Variants in WWP2 observed in about 807,000 individuals in gnomAD.
WWP2 encodes the protein WW domain containing E3 ubiquitin protein ligase 2.
A neutral mutation model predicts 121.0 loss-of-function variants in WWP2; 57 were observed. The observed-to-expected ratio is 0.47, with a 90% CI of 0.38 to 0.59. WWP2 has a LOEUF of 0.59. Ranked by LOEUF, WWP2 falls within the 20% of genes least tolerant of loss-of-function variation. The pLI is 0.00. For missense variants in WWP2, 962 were observed against 1,158.9 expected (o/e 0.83, Z 2.47); for synonymous variants, 449 against 441.3 (o/e 1.02, Z -0.22).
intron 1 of WWP2, among the ~76,000 whole-genome samples, 166 bp downstream of exon 1, chr16:69,762,557 G>T (rs1176584437): frequency 3.5e-4 from 53 of 150,918 alleles, no homozygotes; most frequent in African/African-American, 1.2e-3. Flanking sequence ...CTCCGAGGAG[G>T]GGTGTCCCGG....
rs144814265 is a variant in WWP2, at chr16:69,940,131, G to A, written c.*191G>A. 3.9e-4 allele frequency: 230 copies of A among 592,920 alleles called. No individual in the cohort carries two copies. In the African/African-American group the frequency reaches 4.0e-3, roughly 10 times the overall value. 36.7% of individuals were successfully genotyped at this position (592,920 alleles called of 1,614,324 possible). A position where few individuals can be genotyped will look rare whatever the true frequency, so the allele number is the denominator to read the frequency against. On this transcript the variant is annotated 3_prime_UTR_variant, in exon 24 of 24. Transcript: ENST00000359154. ...CTGCAGTTCCCCCGACCCGCGGATG[G>A]CAGTCTGGAATAAAGCCCCCTAGTT... is the stretch of plus-strand genomic sequence containing the variant.
At chr16:69,820,989 C>T (rs2056583353) in intron 4 of WWP2, among the ~76,000 whole-genome samples, 1 of 152,252 alleles carries the variant, frequency 6.6e-6, no homozygotes, top group Non-Finnish European at 1.5e-5. Context: ...GTGCTGCCCA[C>T]TCCGGCGAGG....
intron 4 of WWP2, among the ~76,000 whole-genome samples, chr16:69,814,817 C>T (rs1376775106): frequency 6.6e-6 from 1 of 151,886 alleles, no homozygotes; most frequent in Non-Finnish European, 1.5e-5. Context: ...AGACAGTGTA[C>T]CCATTTATTT....
intron 6 of WWP2, among the ~76,000 whole-genome samples, chr16:69,867,019 A>G (rs2057538072): frequency 6.6e-6 from 1 of 151,494 alleles, no homozygotes; most frequent in East Asian, 1.9e-4. Flanking sequence ...TGTTTTTAGT[A>G]GAGTTGGGGT....
At chr16:69,812,475 CCCTTT>C (rs2056412804) in intron 4 of WWP2, among the ~76,000 whole-genome samples, 1 of 133,626 alleles carries the variant, frequency 7.5e-6, no homozygotes, top group African/African-American at 3.7e-5. Flanking sequence ...CCAACCCCCC[CCCTTT>C]TTTTTTTTTT....
chr16:69,793,226 G>A (rs1052106815), intron 2 of WWP2, among the ~76,000 whole-genome samples: 20 of 152,128 alleles, frequency 1.3e-4, no homozygotes, highest in Middle Eastern at 3.4e-3. Context: ...GATGGCAGGC[G>A]CCTGTAATCC....
At chr16:69,780,707 A>G (rs1205864259) in intron 1 of WWP2, among the ~76,000 whole-genome samples, 6 of 152,216 alleles carry the variant, frequency 3.9e-5, no homozygotes, top group Admixed American at 3.9e-4. Flanking sequence ...AAGTGAGTCA[A>G]AACATCATCT....
In WWP2 at chr16:69,799,388, AG is replaced by A; in HGVS notation, c.340+97del. On this transcript the variant is annotated intron_variant, in intron 4 of 23. Transcript: ENST00000359154. This position sits in a 1 kb window ranked among gnomAD's most constrained non-coding sequence, Gnocchi z 4.5. Reference sequence around the variant, plus strand: ...TGGTATTGCAATTTCCCCCAGGACTAGGGGCTGCAGTACCTCTGTTCTCCTT... The same window carrying A: ...TGGTATTGCAATTTCCCCCAGGACTAGGGCTGCAGTACCTCTGTTCTCCTT... The A allele has an allele frequency of 6.7e-7, 1 of 1,499,156 alleles. No individual in the cohort carries two copies. Among genetic ancestry groups the A allele is most frequent in the Non-Finnish European group, 9.0e-7 (1 of 1,116,788 alleles). The allele number at this position is 1,499,156 out of a possible 1,614,324, so 92.9% of individuals were successfully genotyped here. A position where few individuals can be genotyped will look rare whatever the true frequency, so the allele number is the denominator to read the frequency against.
chr16:69,872,119 T>A (rs2057651428), intron 7 of WWP2, among the ~76,000 whole-genome samples, 188 bp downstream of exon 7: 1 of 152,228 alleles, frequency 6.6e-6, no homozygotes, highest in Admixed American at 6.5e-5. Context: ...GCATATTCTG[T>A]ACAGCCAAGG....
intron 4 of WWP2, among the ~76,000 whole-genome samples, chr16:69,812,864 C>T (rs2056420834): frequency 6.6e-6 from 1 of 152,154 alleles, no homozygotes; most frequent in South Asian, 2.1e-4. Flanking sequence ...TGCAAAATTA[C>T]TGTTTCCCCT....
At chr16:69,878,168 A>C (rs2057767747) in intron 7 of WWP2, among the ~76,000 whole-genome samples, 1 of 152,230 alleles carries the variant, frequency 6.6e-6, no homozygotes, top group African/African-American at 2.4e-5. Flanking sequence ...CAATATTAAT[A>C]TATCAAAGAT....
chr16:69,894,863 C>T (rs112156565), intron 8 of WWP2: 2 of 152,260 alleles, frequency 1.3e-5, no homozygotes, highest in Non-Finnish European at 2.9e-5. Context: ...CACAGAGGCA[C>T]ATTATTTTGC....
At chr16:69,798,601 A>G in intron 2 of WWP2, 81 bp from the exon 3 acceptor site, 1 of 1,467,890 alleles carries the variant, frequency 6.8e-7, no homozygotes, top group Non-Finnish European at 9.1e-7. Context: ...CAATAACTAA[A>G]AAGAGCCGGA....
At chr16:69,793,613 A>G (rs2055960051) in intron 2 of WWP2, among the ~76,000 whole-genome samples, 1 of 152,116 alleles carries the variant, frequency 6.6e-6, no homozygotes, top group Admixed American at 6.6e-5. Context: ...GTGGGGCCAC[A>G]GGATAATTTG....
chr16:69,798,628 GGCATCTGGGA>G, intron 2 of WWP2, 44 bp from the exon 3 acceptor site: 3 of 1,556,302 alleles, frequency 1.9e-6, no homozygotes, highest in Non-Finnish European at 2.6e-6. Flanking sequence ...GCCACAGGGG[GGCATCTGGGA>G]GCCCTGGGAC....
intron 17 of WWP2, among the ~76,000 whole-genome samples, chr16:69,934,625 A>G (rs185116995): frequency 2.4e-4 from 37 of 152,104 alleles, no homozygotes; most frequent in Middle Eastern, 6.8e-3. Flanking sequence ...GCATTTGGGA[A>G]TGTCCCACTG....
At chr16:69,796,395 T>C (rs1372397129) in intron 2 of WWP2, among the ~76,000 whole-genome samples, 1 of 152,180 alleles carries the variant, frequency 6.6e-6, no homozygotes, top group African/African-American at 2.4e-5. Context: ...TTAAATGTGC[T>C]CAGGACACTT....
chr16:69,844,238 A>G (rs560221623), intron 6 of WWP2, among the ~76,000 whole-genome samples: 1 of 152,308 alleles, frequency 6.6e-6, no homozygotes, highest in Admixed American at 6.5e-5. Flanking sequence ...ATGACAGTGT[A>G]ACTGGCAAAT....
At chr16:69,788,759 C>T (rs1337785028) in intron 2 of WWP2, among the ~76,000 whole-genome samples, 2 of 152,122 alleles carry the variant, frequency 1.3e-5, no homozygotes, top group African/African-American at 2.4e-5. Context: ...GTAAGATCCA[C>T]AGTAAGAGAT....
Sources: allele counts gnomAD v4.1 joint callset (sites outside exome capture counted in the v4.1 genomes callset), GRCh38; gene constraint gnomAD v4.1.1; non-coding constraint Gnocchi (gnomAD v3.1); transcripts MANE v1.5; gene names NCBI Gene and HGNC (gene_info 2026-07-23, HGNC 2026-07-21).